AGPS: variants seen among roughly 807,000 people sequenced by gnomAD.
The protein encoded by AGPS is alkylglycerone phosphate synthase, also known as alkyldihydroxyacetonephosphate synthase, peroxisomal.
Under a neutral mutation model 90.7 loss-of-function variants are expected in AGPS, and 26 were observed. That is an observed-to-expected ratio of 0.29 (90% confidence interval 0.21 to 0.40). The LOEUF (loss-of-function observed/expected upper bound fraction) is 0.40, where lower values mean the gene tolerates loss of function less well. Among genes scored for constraint, AGPS ranks in the 10% least tolerant of loss-of-function variants. The pLI is 1.00. For missense variants in AGPS, 540 were observed against 816.1 expected (o/e 0.66, Z 4.12); for synonymous variants, 294 against 285.3 (o/e 1.03, Z -0.31).
chr2:177,425,877 T>C (rs1488647895), intron 2 of AGPS, among the ~76,000 whole-genome samples: 1 of 152,176 alleles, frequency 6.6e-6, no homozygotes, highest in East Asian at 1.9e-4. Flanking sequence ...CTATACAGGC[T>C]CTTTTTTGAT....
At chr2:177,430,725 G>A (rs1686218275) in intron 2 of AGPS, among the ~76,000 whole-genome samples, 1 of 152,074 alleles carries the variant, frequency 6.6e-6, no homozygotes, top group African/African-American at 2.4e-5. Context: ...TTTAGTTGAA[G>A]GTGCTGAATT....
chr2:177,528,544 C>A (rs2079109577), intron 19 of AGPS, among the ~76,000 whole-genome samples: 1 of 152,146 alleles, frequency 6.6e-6, no homozygotes, highest in Admixed American at 6.6e-5. Context: ...ATTTGCATGA[C>A]TCACTTTCTA....
chr2:177,435,003 A>AGG (rs1449672627), intron 3 of AGPS, among the ~76,000 whole-genome samples: 29 of 145,588 alleles, frequency 2.0e-4, no homozygotes, highest in Admixed American at 3.4e-4. Flanking sequence ...GTAGGTATAT[A>AGG]TATATATATA....
At chr2:177,450,041 G>A (rs1055791138) in intron 8 of AGPS, among the ~76,000 whole-genome samples, 13 of 152,068 alleles carry the variant, frequency 8.5e-5, no homozygotes, top group East Asian at 5.8e-4. Flanking sequence ...TTTTCACCGC[G>A]TTAGCCAGGA....
intron 10 of AGPS, among the ~76,000 whole-genome samples, chr2:177,481,508 A>G (rs905905670): frequency 2.0e-5 from 3 of 151,188 alleles, no homozygotes; most frequent in Non-Finnish European, 4.4e-5. Flanking sequence ...TCCATCTGGT[A>G]TTTTTTGTTT....
intron 13 of AGPS, among the ~76,000 whole-genome samples, chr2:177,498,936 C>T (rs866765928): frequency 1.6e-4 from 24 of 151,840 alleles, no homozygotes; most frequent in Admixed American, 3.9e-4. Flanking sequence ...CTTGTTATCA[C>T]CATCACCTAT....
chr2:177,443,087 T>G (rs1439370944), intron 7 of AGPS, among the ~76,000 whole-genome samples: 3 of 152,186 alleles, frequency 2.0e-5, no homozygotes, highest in Non-Finnish European at 1.5e-5. Flanking sequence ...TCTAGTAGTT[T>G]TAGAGCAAAT....
At chr2:177,530,147 A>G (rs1161342502) in intron 19 of AGPS, among the ~76,000 whole-genome samples, 1 of 152,256 alleles carries the variant, frequency 6.6e-6, no homozygotes, top group East Asian at 1.9e-4. Context: ...AAGGGATATG[A>G]TTCAACAATA....
chr2:177,461,846 G>C (rs770291166), intron 8 of AGPS, 47 bp from the exon 9 acceptor site: 1 of 1,564,370 alleles, frequency 6.4e-7, no homozygotes, highest in South Asian at 1.1e-5. Context: ...AGTGCTGTAC[G>C]TAATGGGACC....
chr2:177,521,138 G>A, intron 17 of AGPS, 131 bp from the exon 18 acceptor site: 1 of 825,404 alleles, frequency 1.2e-6, no homozygotes, highest in Non-Finnish European at 2.0e-6. Context: ...CTTCCATGGA[G>A]TAGAGGCTGG....
intron 3 of AGPS, among the ~76,000 whole-genome samples, chr2:177,434,804 T>A (rs1036737364): frequency 6.6e-6 from 1 of 151,900 alleles, no homozygotes; most frequent in African/African-American, 2.4e-5. Flanking sequence ...TTTAATAGAC[T>A]GACTGTAATC....
intron 19 of AGPS, among the ~76,000 whole-genome samples, chr2:177,536,572 T>G (rs921858284): frequency 5.3e-5 from 8 of 152,154 alleles, no homozygotes; most frequent in African/African-American, 1.9e-4. Context: ...GGCAGTCCCT[T>G]AGGAGATAAT....
chr2:177,434,105 G>A (rs1661708320), intron 2 of AGPS, among the ~76,000 whole-genome samples: 1 of 152,088 alleles, frequency 6.6e-6, no homozygotes, highest in Admixed American at 6.6e-5. Context: ...CTTTTTTCAA[G>A]TGTAGCACAC....
rs190752521 is a variant in AGPS at position 177,417,072 on chromosome 2, C to G, written c.261-3197C>G. ...AGTATAGGGAATTTGGCTTCTGACA[C>G]AAACATATCCCTTGATTTTTAAATG... On this transcript the variant is annotated intron_variant, in intron 1 of 19. Coordinates refer to ENST00000264167, the MANE Select transcript of AGPS (RefSeq NM_003659.4). Among the ~76,000 whole-genome samples the G allele has an allele frequency of 6.4e-3, 982 of 152,312 alleles. 6 individuals are homozygous for G. The highest frequency in any genetic ancestry group is 0.023 in the South Asian group (112 of 4,824).
chr2:177,440,129 A>C (rs1158910070), intron 5 of AGPS, among the ~76,000 whole-genome samples: 1 of 152,132 alleles, frequency 6.6e-6, no homozygotes, highest in African/African-American at 2.4e-5. Flanking sequence ...AAGATATGTA[A>C]ATACTGTGTC....
intron 1 of AGPS, among the ~76,000 whole-genome samples, chr2:177,401,525 G>T (rs1435882200): frequency 1.3e-5 from 2 of 151,742 alleles, no homozygotes; most frequent in Non-Finnish European, 2.9e-5. Context: ...GCTTAAATTT[G>T]AATCTAGATT....
chr2:177,405,376 A>C (rs553751591), intron 1 of AGPS, among the ~76,000 whole-genome samples: 105 of 152,242 alleles, frequency 6.9e-4, no homozygotes, highest in Admixed American at 9.8e-4. Context: ...TTTAAAGATG[A>C]TACAACCAGA....
rs187686783 is a variant in AGPS, at chr2:177,538,313, A to C, written c.*118A>C. The C allele has an allele frequency of 4.3e-6, 5 of 1,156,162 alleles. No individual in the cohort carries two copies. Among genetic ancestry groups the C allele is most frequent in the East Asian group, 5.0e-5 (2 of 40,340 alleles). The allele number at this position is 1,156,162 out of a possible 1,614,324, so 71.6% of individuals were successfully genotyped here. A position where few individuals can be genotyped will look rare whatever the true frequency, so the allele number is the denominator to read the frequency against. On this transcript the variant is annotated 3_prime_UTR_variant, in exon 20 of 20. Coordinates refer to ENST00000264167, the MANE Select transcript of AGPS (RefSeq NM_003659.4). ...TTGGATACATTTGTTTCTTTGGTTT[A>C]AAATAAGTTTGTTTTCATTCTGTAG...
chr2:177,442,962 T>C lies in AGPS; in HGVS notation c.789+476T>C, dbSNP rs1574371242. On this transcript the variant is annotated intron_variant, in intron 7 of 19. Coordinates refer to ENST00000264167, the MANE Select transcript of AGPS (RefSeq NM_003659.4). ...CCTCAGGTATATATGTTGATGGCTA[T>C]TTTACCAAATTTGAATTTTTTTTTC... 3.9e-5 allele frequency among the ~76,000 whole-genome samples: 6 copies of C among 152,306 alleles called. No homozygotes were observed. In the South Asian group the frequency reaches 1.2e-3, roughly 32 times the overall value.
Sources: gnomAD v4.1 joint callset for allele counts (sites outside exome capture counted in the v4.1 genomes callset) on GRCh38, gnomAD v4.1.1 for gene constraint, MANE v1.5 for transcripts, NCBI Gene and HGNC (gene_info 2026-07-23, HGNC 2026-07-21) for gene names.